SPAG16: variants seen among roughly 807,000 people sequenced by gnomAD.
SPAG16 encodes sperm associated antigen 16.
A neutral mutation model predicts 80.4 loss-of-function variants in SPAG16; 86 were observed. The observed-to-expected ratio is 1.07, with a 90% CI of 0.90 to 1.28. SPAG16 has a LOEUF of 1.28. SPAG16 is among the 50% of genes most tolerant of loss of function. SPAG16 has a pLI of 0.00. For missense variants in SPAG16, 870 were observed against 765.3 expected (o/e 1.14, Z -1.61); for synonymous variants, 294 against 265.9 (o/e 1.11, Z -1.03).
intron 15 of SPAG16, among the ~76,000 whole-genome samples, chr2:214,318,005 G>C (rs1695811247): frequency 6.6e-6 from 1 of 152,290 alleles, no homozygotes; most frequent in Non-Finnish European, 1.5e-5. Context: ...ATGTAAGGGA[G>C]GATGGTGATT....
At chr2:213,993,429 A>C (rs1284300754) in intron 12 of SPAG16, among the ~76,000 whole-genome samples, 1 of 152,162 alleles carries the variant, frequency 6.6e-6, no homozygotes. Context: ...TTTGTTAACT[A>C]TGGTTGTTCT....
At chr2:213,292,304 A>G (rs929332128) in intron 1 of SPAG16, among the ~76,000 whole-genome samples, 1 of 152,210 alleles carries the variant, frequency 6.6e-6, no homozygotes, top group Non-Finnish European at 1.5e-5. Context: ...AGAAGGGGTC[A>G]TGCTTTTTCA....
chr2:214,286,558 C>A (rs1351877249), intron 15 of SPAG16, among the ~76,000 whole-genome samples: 3 of 152,020 alleles, frequency 2.0e-5, no homozygotes, highest in African/African-American at 4.8e-5. Flanking sequence ...ACCAGCCTGG[C>A]CAACCTGCCA....
chr2:214,298,081 T>TATATATATATATGTATGC (rs1694268300), intron 15 of SPAG16, among the ~76,000 whole-genome samples: 1 of 147,184 alleles, frequency 6.8e-6, no homozygotes, highest in African/African-American at 2.5e-5. Flanking sequence ...TGCCTATATA[T>TATATATATATATGTATGC]ATATATATAT....
intron 15 of SPAG16, among the ~76,000 whole-genome samples, chr2:214,155,629 T>G (rs936992356): frequency 5.3e-5 from 8 of 152,092 alleles, no homozygotes; most frequent in Non-Finnish European, 1.0e-4. Flanking sequence ...CGTGACACCA[T>G]GCCTGAGGGT....
intron 14 of SPAG16, among the ~76,000 whole-genome samples, chr2:214,119,704 G>T (rs927173942): frequency 3.3e-5 from 5 of 151,642 alleles, no homozygotes; most frequent in African/African-American, 1.2e-4. Flanking sequence ...TTATTTCTTT[G>T]CCTATAACTA....
At chr2:213,656,397 C>G (rs1176930072) in intron 10 of SPAG16, among the ~76,000 whole-genome samples, 1 of 152,156 alleles carries the variant, frequency 6.6e-6, no homozygotes, top group Non-Finnish European at 1.5e-5. Flanking sequence ...GTCTCGATCT[C>G]CTCCGCCCGC....
intron 11 of SPAG16, among the ~76,000 whole-genome samples, chr2:213,871,652 C>A (rs766228804): frequency 3.9e-5 from 6 of 152,048 alleles, no homozygotes; most frequent in Admixed American, 3.3e-4. Flanking sequence ...TGTAAACTTC[C>A]AGAATGTTAA....
intron 15 of SPAG16, chr2:214,239,881 A>C (rs1224468729): frequency 6.6e-6 from 1 of 152,150 alleles, no homozygotes; most frequent in African/African-American, 2.4e-5. Context: ...TTACTGTGGC[A>C]ATTTAAAACA....
At chr2:213,833,601 A>ATATATATATT (rs2073921325) in intron 10 of SPAG16, among the ~76,000 whole-genome samples, 2 of 48,964 alleles carry the variant, frequency 4.1e-5, no homozygotes, top group African/African-American at 2.0e-4. Context: ...ATATATATAA[A>ATATATATATT]ATCTCCTTGA....
At chr2:213,313,461 AT>A (rs1274324874) in intron 4 of SPAG16, among the ~76,000 whole-genome samples, 1 of 151,672 alleles carries the variant, frequency 6.6e-6, no homozygotes, top group African/African-American at 2.4e-5. Context: ...CCACAGCCAT[AT>A]TTCTATTTTA....
intron 15 of SPAG16, among the ~76,000 whole-genome samples, chr2:214,169,631 G>A (rs1242918446): frequency 6.6e-6 from 1 of 152,024 alleles, no homozygotes; most frequent in Non-Finnish European, 1.5e-5. Context: ...TTGTCTAGCA[G>A]AGAGTATGGT....
At chr2:213,553,622 A>G (rs568520069) in intron 10 of SPAG16, among the ~76,000 whole-genome samples, 1 of 152,302 alleles carries the variant, frequency 6.6e-6, no homozygotes, top group Admixed American at 6.5e-5. Context: ...AACCCTGAGT[A>G]TATGCACTGA....
chr2:213,491,640 T>C (rs185400064), intron 10 of SPAG16, among the ~76,000 whole-genome samples: 1 of 152,316 alleles, frequency 6.6e-6, no homozygotes, highest in East Asian at 1.9e-4. Flanking sequence ...CTTGTGTGTT[T>C]TGTGGAGATA....
intron 10 of SPAG16, among the ~76,000 whole-genome samples, chr2:213,673,008 T>C (rs1304257203): frequency 6.6e-6 from 1 of 152,116 alleles, no homozygotes; most frequent in Admixed American, 6.6e-5. Context: ...TGATCTTTAG[T>C]CTTCTCTTTC....
chr2:214,242,468 T>G (rs1298191727), intron 15 of SPAG16, among the ~76,000 whole-genome samples: 1 of 152,220 alleles, frequency 6.6e-6, no homozygotes, highest in Non-Finnish European at 1.5e-5. Flanking sequence ...CTTTTCTCCT[T>G]CAGAGACTTA....
intron 15 of SPAG16, among the ~76,000 whole-genome samples, chr2:214,331,120 G>T (rs1190961905): frequency 6.6e-6 from 1 of 151,986 alleles, no homozygotes; most frequent in Non-Finnish European, 1.5e-5. Flanking sequence ...CTAATTCCTG[G>T]GGCTCCGGCA....
intron 15 of SPAG16, among the ~76,000 whole-genome samples, chr2:214,268,869 G>T (rs16851684): frequency 0.051 from 7,773 of 151,920 alleles, 682 homozygotes; most frequent in African/African-American, 0.18. Context: ...TGTATAAAAC[G>T]CTTTTCCCTA....
At chr2:214,069,608 A>C (rs2050690963) in intron 13 of SPAG16, among the ~76,000 whole-genome samples, 1 of 152,116 alleles carries the variant, frequency 6.6e-6, no homozygotes, top group African/African-American at 2.4e-5. Context: ...CCAACCTAAA[A>C]TCATATGACC....
Sources: allele counts gnomAD v4.1 joint callset (sites outside exome capture counted in the v4.1 genomes callset), GRCh38; gene constraint gnomAD v4.1.1; transcripts MANE v1.5; gene names NCBI Gene and HGNC (gene_info 2026-07-23, HGNC 2026-07-21).